The following UGGT2 variants were observed in gnomAD, a reference collection of about 807,000 sequenced individuals.
The protein encoded by UGGT2 is UDP-glucose:glycoprotein glucosyltransferase 2.
A neutral mutation model predicts 192.1 loss-of-function variants in UGGT2; 180 were observed. The observed-to-expected ratio is 0.94, with a 90% confidence interval of 0.83 to 1.06. UGGT2 has a LOEUF of 1.06. Ranked by LOEUF, UGGT2 falls within the 50% of genes least tolerant of loss-of-function variation. The pLI is 0.00. For synonymous variants in UGGT2, 580 were observed against 591.0 expected, an observed-to-expected ratio of 0.98 and a Z score of 0.27; for missense variants, 1,849 against 1,795.7, an observed-to-expected ratio of 1.03 and a Z score of -0.54.
chr13:95,849,896 C>T (rs900014777), intron 36 of UGGT2, among the ~76,000 whole-genome samples: 1 of 146,100 alleles, frequency 6.8e-6, no homozygotes, highest in Non-Finnish European at 1.5e-5. Context: ...TTTGACCTTG[C>T]TATAATCCCT....
At chr13:95,839,859 T>C (rs1026865099) in intron 36 of UGGT2, among the ~76,000 whole-genome samples, 5 of 152,192 alleles carry the variant, frequency 3.3e-5, no homozygotes, top group African/African-American at 1.2e-4. Flanking sequence ...CTCATTGTGG[T>C]TTTGATTTGC....
intron 20 of UGGT2, among the ~76,000 whole-genome samples, chr13:95,918,564 T>G (rs560690066): frequency 6.6e-6 from 1 of 151,994 alleles, no homozygotes; most frequent in East Asian, 1.9e-4. Context: ...CGAAAAACTC[T>G]TCAAAAAAAA....
intron 5 of UGGT2, among the ~76,000 whole-genome samples, chr13:96,012,304 C>T (rs923938394): frequency 3.8e-4 from 57 of 151,832 alleles, no homozygotes; most frequent in African/African-American, 1.3e-3. Context: ...GGATTAAAAA[C>T]CAAAACAAAA....
chr13:95,926,486 A>G (rs969970597), intron 19 of UGGT2, among the ~76,000 whole-genome samples: 7 of 152,186 alleles, frequency 4.6e-5, no homozygotes, highest in Non-Finnish European at 8.8e-5. Context: ...GGCCAAACAA[A>G]ACAAAGCAAA....
chr13:96,046,735 C>CGTG, intron 1 of UGGT2, among the ~76,000 whole-genome samples: 1 of 152,338 alleles, frequency 6.6e-6, no homozygotes, highest in Admixed American at 6.5e-5. Flanking sequence ...GAAGCCGTGA[C>CGTG]AGATGGCACC....
intron 22 of UGGT2, among the ~76,000 whole-genome samples, chr13:95,897,444 A>T (rs562689013): frequency 9.9e-5 from 15 of 152,280 alleles, no homozygotes; most frequent in African/African-American, 3.1e-4. Context: ...TGTCAATTTT[A>T]AATTATTCAG....
At chr13:95,987,639 G>C (rs1031293561) in intron 8 of UGGT2, among the ~76,000 whole-genome samples, 2 of 152,086 alleles carry the variant, frequency 1.3e-5, no homozygotes, top group African/African-American at 4.8e-5. Context: ...TTAGAACTTA[G>C]ACAAGAGCTT....
chr13:96,042,626 A>C (rs2053197153), intron 1 of UGGT2, among the ~76,000 whole-genome samples: 1 of 152,078 alleles, frequency 6.6e-6, no homozygotes, highest in African/African-American at 2.4e-5. Context: ...AAAAAGATAC[A>C]AGAAAGGAGG....
At chr13:95,907,968 T>A (rs2048346768) in intron 20 of UGGT2, among the ~76,000 whole-genome samples, 1 of 152,102 alleles carries the variant, frequency 6.6e-6, no homozygotes, top group Non-Finnish European at 1.5e-5. Flanking sequence ...AGAAGGATAT[T>A]CGAACCCATC....
chr13:96,041,805 C>T (rs1287562740), intron 1 of UGGT2, among the ~76,000 whole-genome samples: 2 of 152,150 alleles, frequency 1.3e-5, no homozygotes, highest in Non-Finnish European at 2.9e-5. Context: ...CATAATCCTC[C>T]TGGGAATATA....
intron 38 of UGGT2, among the ~76,000 whole-genome samples, chr13:95,802,955 T>C (rs1282393503): frequency 6.6e-6 from 1 of 152,082 alleles, no homozygotes; most frequent in Non-Finnish European, 1.5e-5. Flanking sequence ...TGCCTCAGCC[T>C]CCCGAGTAGC....
At chr13:95,955,860 CTAAG>C (rs754030450) in intron 12 of UGGT2, among the ~76,000 whole-genome samples, 1 of 152,154 alleles carries the variant, frequency 6.6e-6, no homozygotes, top group Non-Finnish European at 1.5e-5. Flanking sequence ...GTAAATGTAA[CTAAG>C]TAATATGATG....
intron 4 of UGGT2, among the ~76,000 whole-genome samples, chr13:96,017,356 C>T (rs1239614416): frequency 6.6e-6 from 1 of 152,168 alleles, no homozygotes. Context: ...CCCAGGGGCC[C>T]CCCTTACTCT....
chr13:95,928,942 C>T (rs1161676445), intron 17 of UGGT2, among the ~76,000 whole-genome samples: 9 of 152,310 alleles, frequency 5.9e-5, no homozygotes, highest in East Asian at 3.9e-4. Context: ...TCTGCAATCC[C>T]GGCACCTCGG....
At chr13:95,941,659 A>G (rs975117621) in intron 15 of UGGT2, among the ~76,000 whole-genome samples, 6 of 152,240 alleles carry the variant, frequency 3.9e-5, no homozygotes, top group African/African-American at 1.2e-4. Context: ...AATGCCTCAC[A>G]TAAGTTACTC....
intron 2 of UGGT2, 116 bp from the exon 3 acceptor site, chr13:96,023,875 G>A: frequency 1.2e-6 from 1 of 807,160 alleles, no homozygotes; most frequent in Non-Finnish European, 1.7e-6. Context: ...GTTTGGTTAT[G>A]GATAATGCTA....
chr13:95,889,796 C>T (rs1214733303), intron 25 of UGGT2, among the ~76,000 whole-genome samples: 4 of 152,218 alleles, frequency 2.6e-5, no homozygotes, highest in Non-Finnish European at 5.9e-5. Context: ...TAGTTTCCAG[C>T]CTCCCTTGTC....
chr13:95,850,547 G>A (rs1381733199), intron 36 of UGGT2, among the ~76,000 whole-genome samples: 1 of 152,198 alleles, frequency 6.6e-6, no homozygotes, highest in Non-Finnish European at 1.5e-5. Flanking sequence ...ATGACACAAT[G>A]GGCACATGAA....
Position 95,837,105 on chromosome 13 carries a change from CTTTG to C in UGGT2, c.4378_4381del (p.Gln1460GlufsTer18), listed in dbSNP as rs1288032675. ...ACTCACCAGATCAATTGTTTTGGCT[CTTTG>C]TTTGGATTCATCATCACACCAGGTT... On this transcript the variant is annotated frameshift_variant, in exon 37 of 39. Coordinates refer to ENST00000376747, the MANE Select transcript of UGGT2 (RefSeq NM_020121.4). LOFTEE classifies it high-confidence loss of function. 2 of 1,613,704 alleles carry C rather than the reference CTTTG, an allele frequency of 1.2e-6. No homozygotes were observed. Among genetic ancestry groups the C allele is most frequent in the East Asian group, 4.5e-5 (2 of 44,860 alleles).
Sources: gnomAD v4.1 joint callset for allele counts (sites outside exome capture counted in the v4.1 genomes callset) on GRCh38, gnomAD v4.1.1 for gene constraint, MANE v1.5 for transcripts, NCBI Gene and HGNC (gene_info 2026-07-23, HGNC 2026-07-21) for gene names.